Variants in RBFOX1 observed in about 807,000 individuals in gnomAD.
The protein encoded by RBFOX1 is RNA binding fox-1 homolog 1.
RBFOX1 carries 8 observed loss-of-function variants against 57.7 expected under a neutral mutation model. The observed-to-expected ratio is 0.14, with a 90% confidence interval of 0.08 to 0.25. RBFOX1 has a LOEUF of 0.25. RBFOX1 is among the 10% of genes least tolerant of loss of function. The pLI, the probability that RBFOX1 is intolerant of heterozygous loss-of-function variation, is 1.00. For synonymous variants in RBFOX1, 326 were observed against 222.4 expected, an observed-to-expected ratio of 1.47 and a Z score of -4.15; for missense variants, 611 against 548.5, an observed-to-expected ratio of 1.11 and a Z score of -1.14.
intron 10 of RBFOX1, among the ~76,000 whole-genome samples, chr16:7,615,249 C>G (rs1224993358): frequency 6.6e-6 from 1 of 152,068 alleles, no homozygotes; most frequent in East Asian, 1.9e-4. Flanking sequence ...AGGAGAATGG[C>G]GTGAACCTGG....
At chr16:5,890,514 T>G (rs2058021377) in intron 4 of RBFOX1, among the ~76,000 whole-genome samples, 1 of 151,784 alleles carries the variant, frequency 6.6e-6, no homozygotes, top group Non-Finnish European at 1.5e-5. Flanking sequence ...CTGACCAACA[T>G]GGTGAAATTT....
At chr16:7,278,859 T>C (rs2095489728) in intron 4 of RBFOX1, among the ~76,000 whole-genome samples, 1 of 152,196 alleles carries the variant, frequency 6.6e-6, no homozygotes, top group South Asian at 2.1e-4. Flanking sequence ...TGTCTTGTTC[T>C]CAGCCTAAAT....
intron 4 of RBFOX1, among the ~76,000 whole-genome samples, chr16:7,469,855 C>T (rs1024551443): frequency 2.6e-5 from 4 of 152,166 alleles, no homozygotes; most frequent in African/African-American, 9.7e-5. Context: ...CTGCTCGCAG[C>T]CCCTGGCTAC....
At chr16:5,960,408 C>T (rs560938030) in intron 4 of RBFOX1, among the ~76,000 whole-genome samples, 1 of 152,196 alleles carries the variant, frequency 6.6e-6, no homozygotes, top group Admixed American at 6.5e-5. Context: ...ACCACCAGCC[C>T]CATGCCCCTC....
At chr16:6,990,420 G>C (rs1442434174) in intron 3 of RBFOX1, among the ~76,000 whole-genome samples, 2 of 152,100 alleles carry the variant, frequency 1.3e-5, no homozygotes, top group African/African-American at 2.4e-5. Flanking sequence ...AGCTATTCAG[G>C]AGTCGGAGGC....
chr16:7,333,456 G>T (rs1047636903), intron 4 of RBFOX1, among the ~76,000 whole-genome samples: 3 of 152,172 alleles, frequency 2.0e-5, no homozygotes, highest in African/African-American at 7.2e-5. Context: ...AGGTGACTCA[G>T]TTAAGAGCTT....
chr16:6,583,598 C>T (rs2097567050), intron 2 of RBFOX1, among the ~76,000 whole-genome samples: 1 of 152,218 alleles, frequency 6.6e-6, no homozygotes, highest in African/African-American at 2.4e-5. Flanking sequence ...TAACTGGATT[C>T]TATCCATTCT....
At chr16:6,443,975 C>A (rs949122205) in intron 2 of RBFOX1, among the ~76,000 whole-genome samples, 1 of 152,062 alleles carries the variant, frequency 6.6e-6, no homozygotes, top group Non-Finnish European at 1.5e-5. Flanking sequence ...TCAGGAAGGC[C>A]ACTGTCTTGG....
At chr16:7,048,073 T>G (rs1368638513) in intron 3 of RBFOX1, among the ~76,000 whole-genome samples, 1 of 152,008 alleles carries the variant, frequency 6.6e-6, no homozygotes, top group East Asian at 1.9e-4. Context: ...GAGAAGGGGT[T>G]TCACCATGTT....
chr16:7,217,896 ATGTGTGTGCATG>A (rs925131781), intron 4 of RBFOX1, among the ~76,000 whole-genome samples: 4 of 127,306 alleles, frequency 3.1e-5, no homozygotes, highest in African/African-American at 6.0e-5. Flanking sequence ...GTGCATGCGT[ATGTGTGTGCATG>A]TGTGTGTGTG....
intron 3 of RBFOX1, among the ~76,000 whole-genome samples, chr16:6,838,276 G>C (rs868740695): frequency 7.2e-5 from 11 of 152,008 alleles, no homozygotes; most frequent in Admixed American, 2.6e-4. Context: ...AGAAGATGTG[G>C]TGTTTGGTTT....
intron 2 of RBFOX1, among the ~76,000 whole-genome samples, chr16:6,534,100 C>T (rs900572631): frequency 2.6e-5 from 4 of 152,054 alleles, no homozygotes; most frequent in African/African-American, 9.7e-5. Flanking sequence ...TTCAGAGATG[C>T]TCATTGCATG....
intron 13 of RBFOX1, among the ~76,000 whole-genome samples, chr16:7,667,342 T>C (rs1169397207): frequency 3.3e-5 from 5 of 152,182 alleles, no homozygotes; most frequent in Non-Finnish European, 7.3e-5. Flanking sequence ...TTAAGAAATA[T>C]AAATATGTTC....
intron 4 of RBFOX1, among the ~76,000 whole-genome samples, chr16:5,934,974 C>G (rs761632209): frequency 6.6e-6 from 1 of 152,118 alleles, no homozygotes; most frequent in Non-Finnish European, 1.5e-5. Flanking sequence ...GGTTGGCCTC[C>G]CCCAGAGAGA....
intron 4 of RBFOX1, among the ~76,000 whole-genome samples, chr16:7,154,025 T>C (rs2076604902): frequency 6.6e-6 from 1 of 152,212 alleles, no homozygotes; most frequent in South Asian, 2.1e-4. Flanking sequence ...ATCATTATCA[T>C]AGTTGTTTTT....
intron 4 of RBFOX1, among the ~76,000 whole-genome samples, chr16:7,446,796 GTATTTTTTTTTT>G (rs2098811615): frequency 9.1e-6 from 1 of 109,464 alleles, no homozygotes; most frequent in African/African-American, 3.6e-5. Context: ...GTAGGTCTAG[GTATTTTTTTTTT>G]TTTTTTTTTT....
chr16:6,921,904 G>T (rs1247735430), intron 3 of RBFOX1, among the ~76,000 whole-genome samples: 1 of 152,104 alleles, frequency 6.6e-6, no homozygotes, highest in Non-Finnish European at 1.5e-5. Context: ...GCAAGGGTGA[G>T]AACACAGGAA....
intron 3 of RBFOX1, among the ~76,000 whole-genome samples, chr16:6,815,140 A>G (rs1353005637): frequency 6.6e-6 from 1 of 152,160 alleles, no homozygotes; most frequent in Non-Finnish European, 1.5e-5. Flanking sequence ...GTGTTGCTAC[A>G]GCATTTGTAA....
At chr16:7,687,350 T>C (rs1482633156) in intron 14 of RBFOX1, among the ~76,000 whole-genome samples, 1 of 151,998 alleles carries the variant, frequency 6.6e-6, no homozygotes, top group African/African-American at 2.4e-5. Flanking sequence ...AACTGAAATA[T>C]AAATTAGATT....
Sources: gnomAD v4.1 joint callset for allele counts (sites outside exome capture counted in the v4.1 genomes callset) on GRCh38, gnomAD v4.1.1 for gene constraint, MANE v1.5 for transcripts, NCBI Gene and HGNC (gene_info 2026-07-23, HGNC 2026-07-21) for gene names.